XPO4: variants seen among roughly 807,000 people sequenced by gnomAD.
XPO4 encodes exportin-4.
A neutral mutation model predicts 143.0 loss-of-function variants in XPO4; 39 were observed. That is an observed-to-expected ratio of 0.27 (90% confidence interval 0.21 to 0.36). The LOEUF is 0.36. Ranked by LOEUF, XPO4 falls within the 10% of genes least tolerant of loss-of-function variation. The pLI is 1.00. For missense variants in XPO4, 907 were observed against 1,348.0 expected (o/e 0.67, Z 5.12); for synonymous variants, 439 against 474.0 (o/e 0.93, Z 0.96).
intron 9 of XPO4, among the ~76,000 whole-genome samples, chr13:20,813,494 TG>T (rs1427086228): frequency 6.6e-6 from 1 of 152,224 alleles, no homozygotes; most frequent in Non-Finnish European, 1.5e-5. Context: ...TCATATTTTA[TG>T]CCTGCTAGTT....
At chr13:20,827,360 A>C (rs1169394715) in intron 6 of XPO4, among the ~76,000 whole-genome samples, 181 bp from the exon 7 acceptor site, 1 of 152,170 alleles carries the variant, frequency 6.6e-6, no homozygotes, top group Non-Finnish European at 1.5e-5. Context: ...GTGCCTGGGG[A>C]AAAAAAGAAT....
At chr13:20,859,756 A>G in intron 3 of XPO4, 1 of 666,776 alleles carries the variant, frequency 1.5e-6, no homozygotes, top group African/African-American at 2.0e-5. Flanking sequence ...CAGCCTAGCA[A>G]CAGAGCAAGG....
Position 20,843,824 on chromosome 13 carries a change from A to G in XPO4, c.519T>C (p.Thr173=), listed in dbSNP as rs1307154705. ...ATTCCATGCTCAATCCAATGTTGCTAGTTTTACTTGAACTTGAAAATTCAC... is the reference window on the plus strand; with the variant it reads ...ATTCCATGCTCAATCCAATGTTGCTGGTTTTACTTGAACTTGAAAATTCAC... ...LLSEFSSSSK[T]SNIGLSMEFH... is the part of the protein sequence containing the mutation. The change falls in exon 5 of 23, where the codon ACT becomes ACC. Residue 173 remains threonine (T), a synonymous_variant. Transcript: ENST00000255305. 5 of 1,613,374 alleles carry G rather than the reference A, an allele frequency of 3.1e-6. No homozygotes were observed. Among genetic ancestry groups the G allele is most frequent in the Non-Finnish European group, 2.5e-6 (3 of 1,179,818 alleles).
intron 9 of XPO4, among the ~76,000 whole-genome samples, chr13:20,816,469 A>G (rs1467790334): frequency 6.6e-6 from 1 of 152,242 alleles, no homozygotes; most frequent in Non-Finnish European, 1.5e-5. Flanking sequence ...CTTAAAATAC[A>G]GAATTAATTT....
At chr13:20,851,711 CAAAAAAAAA>C (rs11340357) in intron 4 of XPO4, 19 of 781,256 alleles carry the variant, frequency 2.4e-5, no homozygotes, top group South Asian at 6.3e-5. Context: ...CCCGGTCTCA[CAAAAAAAAA>C]AAAAAAAAAA....
intron 1 of XPO4, among the ~76,000 whole-genome samples, chr13:20,889,886 C>G (rs1398932740): frequency 1.3e-5 from 2 of 152,136 alleles, no homozygotes; most frequent in Non-Finnish European, 2.9e-5. Flanking sequence ...TTTGATGACT[C>G]TAATTGCCAT....
chr13:20,883,426 G>A (rs554069881), intron 1 of XPO4, among the ~76,000 whole-genome samples: 22 of 152,316 alleles, frequency 1.4e-4, no homozygotes, highest in African/African-American at 4.8e-4. Context: ...AGAATTCAAA[G>A]AGAAGACCTT....
At chr13:20,887,031 T>C (rs1217813879) in intron 1 of XPO4, among the ~76,000 whole-genome samples, 5 of 151,084 alleles carry the variant, frequency 3.3e-5, no homozygotes, top group Non-Finnish European at 5.9e-5. Flanking sequence ...GATTGCACCA[T>C]TGCACTCCAG....
Position 20,778,560 on chromosome 13 carries a change from CTT to C in XPO4, c.*5160_*5161del, listed in dbSNP as rs1167407611. 1 of 152,112 alleles carries C rather than the reference CTT, an allele frequency of 6.6e-6. No homozygotes were observed. Among genetic ancestry groups the C allele is most frequent in the Non-Finnish European group, 1.5e-5 (1 of 68,020 alleles). 9.4% of individuals were successfully genotyped at this position (152,112 alleles called of 1,614,324 possible). Reference sequence around the variant, plus strand: ...ACTAAATATGCACCAAAGATAATGACTTAACTAGTAACTGTGAAACTGTTTCT... The same window carrying C: ...ACTAAATATGCACCAAAGATAATGACAACTAGTAACTGTGAAACTGTTTCT... On this transcript the variant is annotated 3_prime_UTR_variant, in exon 23 of 23. Transcript: ENST00000255305.
chr13:20,834,278 AC>A lies in XPO4; in HGVS notation c.728-7100del, dbSNP rs1279829560. On this transcript the variant is annotated intron_variant, in intron 6 of 22. Transcript: ENST00000255305. ...ATTAATAAGCAAGTTCAGCAAGATT[AC>A]AGGATACAAGATCAACATACAAAAA... is the stretch of plus-strand genomic sequence containing the variant. 2.6e-5 allele frequency among the ~76,000 whole-genome samples: 4 copies of A among 152,240 alleles called. No homozygotes were observed. In the East Asian group the frequency reaches 7.7e-4, roughly 29 times the overall value.
intron 9 of XPO4, among the ~76,000 whole-genome samples, chr13:20,818,279 C>A (rs887702954): frequency 6.6e-6 from 1 of 152,170 alleles, no homozygotes; most frequent in African/African-American, 2.4e-5. Context: ...TTTGTGAACA[C>A]AGACTCTCAG....
At chr13:20,845,210 G>C (rs1434270623) in intron 4 of XPO4, among the ~76,000 whole-genome samples, 1 of 152,108 alleles carries the variant, frequency 6.6e-6, no homozygotes, top group Non-Finnish European at 1.5e-5. Flanking sequence ...ATTCCTATTT[G>C]CCTCTTAATC....
chr13:20,890,394 G>C (rs879518552), intron 1 of XPO4, among the ~76,000 whole-genome samples: 2 of 151,850 alleles, frequency 1.3e-5, no homozygotes, highest in African/African-American at 4.8e-5. Context: ...AGGTTGCAGT[G>C]AGCTGCTATT....
chr13:20,896,277 G>A (rs1164537080), intron 1 of XPO4, among the ~76,000 whole-genome samples: 1 of 152,150 alleles, frequency 6.6e-6, no homozygotes, highest in African/African-American at 2.4e-5. Context: ...TCAGAAAAGG[G>A]TGAGGAGGAA....
chr13:20,878,556 T>C (rs187853244), intron 1 of XPO4, among the ~76,000 whole-genome samples: 104 of 152,302 alleles, frequency 6.8e-4, no homozygotes, highest in African/African-American at 2.3e-3. Flanking sequence ...TTATTCTGAA[T>C]GAAAATGGCA....
At chr13:20,851,386 C>T in intron 4 of XPO4, 1 of 985,272 alleles carries the variant, frequency 1.0e-6, no homozygotes, top group Non-Finnish European at 1.2e-6. Context: ...TACTGATTTC[C>T]TACTATTACA....
chr13:20,849,750 A>T (rs1470810418), intron 4 of XPO4: 1 of 985,000 alleles, frequency 1.0e-6, no homozygotes, highest in Admixed American at 6.1e-5. Flanking sequence ...CCAAGTCTTT[A>T]AGATACTTCT....
In XPO4 at chr13:20,871,316, A is replaced by G. The variant is rs2060295841; in HGVS notation, c.70-2615T>C. 1.3e-5 allele frequency among the ~76,000 whole-genome samples: 2 copies of G among 151,944 alleles called. 1 individual carries two copies. Among genetic ancestry groups the G allele is most frequent in the South Asian group, 4.2e-4 (2 of 4,792 alleles). ...ATCACAGGCATGAGCCACCGTGCCCAGTCTTTTTTGTTTTGTTTTTTAAAA... is the reference window on the plus strand; with the variant it reads ...ATCACAGGCATGAGCCACCGTGCCCGGTCTTTTTTGTTTTGTTTTTTAAAA... On this transcript the variant is annotated intron_variant, in intron 1 of 22. Coordinates refer to ENST00000255305, the MANE Select transcript of XPO4 (RefSeq NM_022459.5).
intron 14 of XPO4, 121 bp from the exon 15 acceptor site, chr13:20,800,446 C>G (rs2137845592): frequency 1.1e-6 from 1 of 887,388 alleles, no homozygotes; most frequent in Admixed American, 2.8e-5. Flanking sequence ...TTCACATCAA[C>G]TTTACACATG....
Sources: allele counts gnomAD v4.1 joint callset (sites outside exome capture counted in the v4.1 genomes callset), GRCh38; gene constraint gnomAD v4.1.1; transcripts MANE v1.5; gene names NCBI Gene and HGNC (gene_info 2026-07-23, HGNC 2026-07-21).